KCNV2: variants seen among roughly 807,000 people sequenced by gnomAD.
The protein encoded by KCNV2 is potassium voltage-gated channel subfamily V member 2.
Under a neutral mutation model 37.0 loss-of-function variants are expected in KCNV2, and 65 were observed. The ratio of observed to expected loss-of-function variants is 1.76; its 90% confidence interval spans 1.44 to 2.16. KCNV2 has a LOEUF of 2.16. KCNV2 is among the 30% of genes most tolerant of loss of function. The pLI, the probability that KCNV2 is intolerant of heterozygous loss-of-function variation, is 0.00. For synonymous variants in KCNV2, 518 were observed against 328.6 expected, an observed-to-expected ratio of 1.58 and a Z score of -6.23; for missense variants, 1,232 against 766.7, an observed-to-expected ratio of 1.61 and a Z score of -7.17.
At position 2,717,866 on chromosome 9, in the gene KCNV2, A is replaced by T. The variant is rs1819761757; in HGVS notation, c.127A>T (p.Ile43Phe). 5 of 1,614,196 alleles carry T rather than the reference A, an allele frequency of 3.1e-6. No individual in the cohort carries two copies. Among genetic ancestry groups the T allele is most frequent in the African/African-American group, 1.3e-5 (1 of 75,050 alleles). Residue 43 changes from isoleucine (I) to phenylalanine (F), a missense_variant, in exon 1 of 2, where the codon ATC (isoleucine) becomes TTC (phenylalanine). Ile to Phe is a conservative substitution (Grantham distance 21). Coordinates refer to ENST00000382082, the MANE Select transcript of KCNV2 (RefSeq NM_133497.4). ...TGCCCGTTCCGGCTCCCAGGCCAGC[A>T]TCCACGGCTGGACAGAGGGCAACTA... ...LGARSGSQAS[I>F]HGWTEGNYNY...
At chr9:2,726,333 G>T (rs907933132) in intron 1 of KCNV2, among the ~76,000 whole-genome samples, 1 of 152,020 alleles carries the variant, frequency 6.6e-6, no homozygotes, top group South Asian at 2.1e-4. Flanking sequence ...AATTATTGGG[G>T]ACCAGTCACA....
rs1267844196 is a variant in KCNV2, at chr9:2,718,108, A to C, written c.369A>C (p.Leu123=). The C allele has an allele frequency of 7.5e-6, 12 of 1,600,472 alleles. No homozygotes were observed. Among genetic ancestry groups the C allele is most frequent in the Non-Finnish European group, 6.0e-6 (7 of 1,173,820 alleles). Residue 123 remains leucine (L), a synonymous_variant, in exon 1 of 2, where the codon CTA becomes CTC. Transcript: ENST00000382082. The stretch of plus-strand genomic sequence containing the variant: ...TGGCCGGCTTCCCCAAGACGCGCCT[A>C]GGTCGCCTGGCCACCTCCACCAGCC... ...CELAGFPKTR[L]GRLATSTSRS...
In KCNV2 at chr9:2,718,417, C is replaced by A; in HGVS notation, c.678C>A (p.Val226=). ...IQHELRAQAQ[V]EEAEELFRDM... is the part of the protein sequence containing the mutation. ...ACGAGCTGCGCGCGCAGGCGCAGGT[C>A]GAGGAGGCGGAGGAACTCTTCCGCG... The change falls in exon 1 of 2, where the codon GTC becomes GTA. Residue 226 remains valine (V), a synonymous_variant. Transcript: ENST00000382082. 8 of 1,603,692 alleles carry A rather than the reference C, an allele frequency of 5.0e-6. No homozygotes were observed. The highest frequency in any genetic ancestry group is 6.8e-6 in the Non-Finnish European group (8 of 1,176,114).
In KCNV2 at chr9:2,718,603, C is replaced by T. The variant is rs1236704504; in HGVS notation, c.864C>T (p.His288=). The change falls in exon 1 of 2, where the codon CAC becomes CAT. Residue 288 remains histidine, a synonymous_variant. Transcript: ENST00000382082. ...ACACCGTGGAGGAGATGCAGCAGCA[C>T]TCGGGGCAGGGCGAGGGCGGCCCAG... ...ALNTVEEMQQ[H]SGQGEGGPDL... 2 of 1,613,088 alleles carry T rather than the reference C, an allele frequency of 1.2e-6. No individual in the cohort carries two copies. Among genetic ancestry groups the T allele is most frequent in the East Asian group, 4.5e-5 (2 of 44,850 alleles).
chr9:2,729,277 A>C (rs1820021443), intron 1 of KCNV2, among the ~76,000 whole-genome samples, 169 bp from the exon 2 acceptor site: 2 of 152,172 alleles, frequency 1.3e-5, no homozygotes, highest in South Asian at 4.1e-4. Flanking sequence ...TTCATGACAC[A>C]GGTCCTAGAG....
chr9:2,719,385 T>G (rs1027039710), intron 1 of KCNV2, among the ~76,000 whole-genome samples: 4 of 152,206 alleles, frequency 2.6e-5, no homozygotes, highest in Admixed American at 2.6e-4. Flanking sequence ...TCATCATTAC[T>G]GTTATTTACC....
chr9:2,721,359 C>G lies in KCNV2; in HGVS notation c.1356+2264C>G, dbSNP rs1052755649. Among the ~76,000 whole-genome samples the G allele has an allele frequency of 2.0e-5, 3 of 152,334 alleles. No individual in the cohort carries two copies. In the East Asian group the frequency reaches 5.8e-4, roughly 29 times the overall value. On this transcript the variant is annotated intron_variant, in intron 1 of 1. Transcript: ENST00000382082. ...TGCCCTTGAATATTCTAAGACCGCT[C>G]TGTTCCCCAGGACTGCTATGTTATT...
chr9:2,722,443 G>C lies in KCNV2; in HGVS notation c.1356+3348G>C, dbSNP rs927783191. On this transcript the variant is annotated intron_variant, in intron 1 of 1. Coordinates refer to ENST00000382082, the MANE Select transcript of KCNV2 (RefSeq NM_133497.4). ...ATAAATAGAAGTTATTTATAAATAA[G>C]TTATTTATAAATAGAAGTTATTTAT... Among the ~76,000 whole-genome samples the C allele has an allele frequency of 3.2e-4, 43 of 134,422 alleles. 1 individual carries two copies. Among genetic ancestry groups the C allele is most frequent in the Admixed American group, 1.5e-3 (20 of 13,534 alleles). 88.2% of individuals were successfully genotyped at this position (134,422 alleles called of 152,430 possible).
intron 1 of KCNV2, among the ~76,000 whole-genome samples, chr9:2,724,972 C>T (rs1176291051): frequency 6.6e-6 from 1 of 152,182 alleles, no homozygotes; most frequent in Non-Finnish European, 1.5e-5. Context: ...GGGGTAAAGG[C>T]TCTTAGGCAT....
At chr9:2,720,099 A>G (rs942683774) in intron 1 of KCNV2, among the ~76,000 whole-genome samples, 24 of 152,252 alleles carry the variant, frequency 1.6e-4, no homozygotes, top group Non-Finnish European at 7.3e-5. Flanking sequence ...CTTTAAAGAC[A>G]TTAAGCAAAT....
intron 1 of KCNV2, among the ~76,000 whole-genome samples, chr9:2,719,472 A>AT (rs201368245): frequency 2.1e-4 from 31 of 150,692 alleles, no homozygotes; most frequent in African/African-American, 4.1e-4. Context: ...TATGACCACC[A>AT]TTTTTTTTTA....
Position 2,718,493 on chromosome 9 carries a change from A to T in KCNV2, c.754A>T (p.Lys252Ter). Residue 252 changes from lysine to a stop codon, truncating the protein, a stop_gained, in exon 1 of 2, where the codon AAG becomes TAG. Transcript: ENST00000382082. LOFTEE classifies it high-confidence loss of function. ...GCGCCGCCTCTGGAACCTCATGGAGAAGCCATTCTCCTCGGTGGCCGCCAA... is the reference window on the plus strand; with the variant it reads ...GCGCCGCCTCTGGAACCTCATGGAGTAGCCATTCTCCTCGGTGGCCGCCAA... ...QRRRLWNLME[K>*]PFSSVAAKAI... 1.2e-6 allele frequency: 2 copies of T among 1,610,950 alleles called. No individual in the cohort carries two copies. Among genetic ancestry groups the T allele is most frequent in the Non-Finnish European group, 1.7e-6 (2 of 1,179,196 alleles).
chr9:2,718,377 G>A lies in KCNV2; in HGVS notation c.638G>A (p.Arg213Gln), dbSNP rs776807664. 10 of 1,599,908 alleles carry A rather than the reference G, an allele frequency of 6.3e-6. No individual in the cohort carries two copies. The highest frequency in any genetic ancestry group is 1.8e-4 in the Middle Eastern group (1 of 5,696). ...GAGCGGCGCGACGAGCTGAGCGAACGGCTCAAGATCCAGCACGAGCTGCGC... is the reference window on the plus strand; with the variant it reads ...GAGCGGCGCGACGAGCTGAGCGAACAGCTCAAGATCCAGCACGAGCTGCGC... Reference protein sequence around the residue: ...FEERRDELSERLKIQHELRAQ... With the variant: ...FEERRDELSEQLKIQHELRAQ... The change falls in exon 1 of 2, where the codon CGG becomes CAG. Residue 213 changes from arginine to glutamine, a missense_variant. By Grantham distance (43) the Arg-to-Gln change is conservative. Transcript: ENST00000382082.
At position 2,729,929 on chromosome 9, in the gene KCNV2, A is replaced by G; in HGVS notation, c.*202A>G. 1 of 598,440 alleles carries G rather than the reference A, an allele frequency of 1.7e-6. No homozygotes were observed. Among genetic ancestry groups the G allele is most frequent in the Non-Finnish European group, 2.9e-6 (1 of 340,448 alleles). 37.1% of individuals were successfully genotyped at this position (598,440 alleles called of 1,614,324 possible). On this transcript the variant is annotated 3_prime_UTR_variant, in exon 2 of 2. Coordinates refer to ENST00000382082, the MANE Select transcript of KCNV2 (RefSeq NM_133497.4). ...ATAGTTGCTCTGTGTTGTGTGAAAC[A>G]TCTGACCTTCTCAATGACGTTGATA...
At chr9:2,723,001 T>G (rs937799127) in intron 1 of KCNV2, among the ~76,000 whole-genome samples, 1 of 152,174 alleles carries the variant, frequency 6.6e-6, no homozygotes, top group Non-Finnish European at 1.5e-5. Context: ...ATGGCCAAGC[T>G]GCAAGTCAAA....
rs752364913 is a variant in KCNV2 at position 2,718,462 on chromosome 9, G to T, written c.723G>T (p.Pro241=). Residue 241 remains proline, a synonymous_variant, in exon 1 of 2, where the codon CCG becomes CCT. Transcript: ENST00000382082. ...ELFRDMRFYG[P]QRRRLWNLME... Reference sequence around the variant, plus strand: ...TCCGCGACATGCGCTTCTACGGCCCGCAGCGGCGCCGCCTCTGGAACCTCA... The same window carrying T: ...TCCGCGACATGCGCTTCTACGGCCCTCAGCGGCGCCGCCTCTGGAACCTCA... 4 of 1,608,326 alleles carry T rather than the reference G, an allele frequency of 2.5e-6. No individual in the cohort carries two copies. The highest frequency in any genetic ancestry group is 3.4e-5 in the Admixed American group (2 of 59,458).
In KCNV2 at chr9:2,718,286, G is replaced by A; in HGVS notation, c.547G>A (p.Glu183Lys). 1.2e-6 allele frequency: 2 copies of A among 1,611,330 alleles called. No homozygotes were observed. The highest frequency in any genetic ancestry group is 8.5e-7 in the Non-Finnish European group (1 of 1,179,752). Residue 183 changes from glutamate to lysine, a missense_variant, in exon 1 of 2, where the codon GAG becomes AAG. Physicochemically the swap from Glu to Lys is moderately conservative, Grantham distance 56. Coordinates refer to ENST00000382082, the MANE Select transcript of KCNV2 (RefSeq NM_133497.4). ...LDGLCPRRFL[E>K]ELGYWGVRLK... ...CGGGCTGTGTCCGCGCCGCTTCCTG[G>A]AGGAGCTGGGCTACTGGGGCGTGCG...
chr9:2,729,358 G>A, intron 1 of KCNV2, 88 bp from the exon 2 acceptor site: 1 of 1,463,412 alleles, frequency 6.8e-7, no homozygotes, highest in Non-Finnish European at 9.5e-7. Flanking sequence ...TACCCACAGG[G>A]AGGACGCTTC....
chr9:2,729,816 A>T lies in KCNV2; in HGVS notation c.*89A>T, dbSNP rs1820039194. The T allele has an allele frequency of 4.3e-6, 6 of 1,398,004 alleles. No homozygotes were observed. The East Asian group carries it at 9.2e-5, about 21-fold the overall frequency. The allele number at this position is 1,398,004 out of a possible 1,614,324, so 86.6% of individuals were successfully genotyped here. ...ATCATTATGATTGGCAGCAAAAGGA[A>T]ATGTGAAGCAGACATACACAAAGGC... On this transcript the variant is annotated 3_prime_UTR_variant, in exon 2 of 2. Coordinates refer to ENST00000382082, the MANE Select transcript of KCNV2 (RefSeq NM_133497.4).
Sources: gnomAD v4.1 joint callset for allele counts (sites outside exome capture counted in the v4.1 genomes callset) on GRCh38, gnomAD v4.1.1 for gene constraint, MANE v1.5 for transcripts, NCBI Gene and HGNC (gene_info 2026-07-23, HGNC 2026-07-21) for gene names.